The following AK7 variants were observed in gnomAD, a reference collection of about 807,000 sequenced individuals.
AK7 encodes ATP-AMP transphosphorylase 7.
Under a neutral mutation model 96.6 loss-of-function variants are expected in AK7, and 78 were observed. The ratio of observed to expected loss-of-function variants is 0.81; its 90% CI spans 0.67 to 0.97. AK7 has a LOEUF of 0.97. Among genes scored for constraint, AK7 ranks in the 50% least tolerant of loss-of-function variants. The probability of loss-of-function intolerance (pLI) is 0.00; values close to 1 mark genes in which losing one functional copy is unlikely to be tolerated. For synonymous variants in AK7, 302 were observed against 317.2 expected, an observed-to-expected ratio of 0.95 and a Z score of 0.51; for missense variants, 855 against 887.9, an observed-to-expected ratio of 0.96 and a Z score of 0.47.
At chr14:96,415,272 C>T (rs1200993588) in intron 4 of AK7, among the ~76,000 whole-genome samples, 1 of 151,816 alleles carries the variant, frequency 6.6e-6, no homozygotes, top group East Asian at 1.9e-4. Context: ...CTGAGCAACA[C>T]AGCAAGACAC....
At position 96,398,113 on chromosome 14, in the gene AK7, A is replaced by G. The variant is rs777278463; in HGVS notation, c.144A>G (p.Glu48=). 3 of 1,614,152 alleles carry G rather than the reference A, an allele frequency of 1.9e-6. No homozygotes were observed. The South Asian group carries it at 3.3e-5, about 18-fold the overall frequency. The change falls in exon 2 of 18, where the codon GAA becomes GAG. Residue 48 remains glutamate, a synonymous_variant. Transcript: ENST00000267584. ...GTGTAGTTGGGGCTTCGCTTGAAGAAATTACAGAGGAAGAGGAAGAGGAAG... is the reference window on the plus strand; with the variant it reads ...GTGTAGTTGGGGCTTCGCTTGAAGAGATTACAGAGGAAGAGGAAGAGGAAG... ...SNCVVGASLE[E]ITEEEEEEDE...
At chr14:96,469,168 T>C (rs1714614181) in intron 12 of AK7, among the ~76,000 whole-genome samples, 1 of 152,294 alleles carries the variant, frequency 6.6e-6, no homozygotes, top group African/African-American at 2.4e-5. Context: ...TTGAAGGGAA[T>C]TGCAGCTAGA....
chr14:96,409,404 T>C (rs907036885), intron 4 of AK7, among the ~76,000 whole-genome samples: 3 of 152,142 alleles, frequency 2.0e-5, no homozygotes, highest in African/African-American at 7.2e-5. Context: ...AAACCCTGTC[T>C]CTACTAAAAA....
At chr14:96,413,539 C>T (rs935729854) in intron 4 of AK7, among the ~76,000 whole-genome samples, 1 of 152,212 alleles carries the variant, frequency 6.6e-6, no homozygotes, top group Non-Finnish European at 1.5e-5. Context: ...GGGCTCTAAT[C>T]GTTGCCTGCC....
In AK7 at chr14:96,456,375, C is replaced by CT. The variant is rs766742522; in HGVS notation, c.1128dup (p.Ala377CysfsTer9). ...ATCAAGATCTGCATTCTTGGTCCCC[C>CT]TGCTGTGGGAAAATCCAGTATTGCT... On this transcript the variant is annotated frameshift_variant, in exon 11 of 18. Coordinates refer to ENST00000267584, the MANE Select transcript of AK7 (RefSeq NM_152327.5). LOFTEE classifies it high-confidence loss of function. 4.3e-6 allele frequency: 7 copies of CT among 1,613,602 alleles called. No homozygotes were observed. In the African/African-American group the frequency reaches 9.3e-5, roughly 22 times the overall value.
At chr14:96,451,614 A>G in intron 10 of AK7, 44 bp downstream of exon 10, 2 of 1,392,760 alleles carry the variant, frequency 1.4e-6, no homozygotes, top group Admixed American at 2.6e-5. Flanking sequence ...TTCAAGCAAA[A>G]TGAATCAAAC....
chr14:96,403,487 G>C (rs1890533586), intron 2 of AK7, among the ~76,000 whole-genome samples: 1 of 152,182 alleles, frequency 6.6e-6, no homozygotes, highest in African/African-American at 2.4e-5. Flanking sequence ...AACTAATGCA[G>C]ATTCATCCAA....
chr14:96,428,892 A>G (rs1330909583), intron 5 of AK7, among the ~76,000 whole-genome samples: 1 of 151,550 alleles, frequency 6.6e-6, no homozygotes, highest in African/African-American at 2.4e-5. Flanking sequence ...GATTACAAAA[A>G]TTTTCTTCCA....
Position 96,398,283 on chromosome 14 carries a change from G to A in AK7, c.294+20G>A, listed in dbSNP as rs1490556239. On this transcript the variant is annotated intron_variant, in intron 2 of 17. Coordinates refer to ENST00000267584, the MANE Select transcript of AK7 (RefSeq NM_152327.5). ...TACTCTGTAAGTCCCGGAGGCTCTGGCCAGGAGTAGACAGAGGGAAGAGTC... is the reference window on the plus strand; with the variant it reads ...TACTCTGTAAGTCCCGGAGGCTCTGACCAGGAGTAGACAGAGGGAAGAGTC... 1.2e-6 allele frequency: 2 copies of A among 1,611,404 alleles called. No homozygotes were observed. The highest frequency in any genetic ancestry group is 2.2e-5 in the South Asian group (2 of 90,974).
At chr14:96,392,887 C>A (rs1889840022) in intron 1 of AK7, among the ~76,000 whole-genome samples, 1 of 152,148 alleles carries the variant, frequency 6.6e-6, no homozygotes, top group Non-Finnish European at 1.5e-5. Flanking sequence ...TGGTCTCGAT[C>A]GATCTCCTGA....
At chr14:96,487,432 CT>C (rs1164556067) in intron 17 of AK7, among the ~76,000 whole-genome samples, 2,607 of 119,496 alleles carry the variant, frequency 0.022, 78 homozygotes, top group African/African-American at 0.073. Context: ...CTGCCTGAAT[CT>C]TTTTTTTTTT....
At chr14:96,447,357 C>T (rs1893302399) in intron 8 of AK7, among the ~76,000 whole-genome samples, 1 of 152,202 alleles carries the variant, frequency 6.6e-6, no homozygotes, top group South Asian at 2.1e-4. Context: ...CTCTTTCGCC[C>T]AGGCTGGAGT....
At chr14:96,472,840 G>A in intron 14 of AK7, 85 bp downstream of exon 14, 1 of 1,141,534 alleles carries the variant, frequency 8.8e-7, no homozygotes, top group African/African-American at 1.6e-5. Flanking sequence ...TCAGAACTTT[G>A]GGAGGCCAAG....
intron 1 of AK7, among the ~76,000 whole-genome samples, chr14:96,397,080 G>A (rs1030678541): frequency 1.3e-5 from 2 of 152,192 alleles, no homozygotes; most frequent in Non-Finnish European, 2.9e-5. Context: ...CTGAGCAACA[G>A]AATGAGACTC....
chr14:96,433,817 G>T (rs1892491053), intron 5 of AK7, among the ~76,000 whole-genome samples: 1 of 151,950 alleles, frequency 6.6e-6, no homozygotes, highest in Admixed American at 6.6e-5. Context: ...TTTCTTCTTT[G>T]ATCAATTTTG....
chr14:96,480,535 G>C (rs1895452018), intron 15 of AK7, among the ~76,000 whole-genome samples: 1 of 152,094 alleles, frequency 6.6e-6, no homozygotes, highest in Non-Finnish European at 1.5e-5. Context: ...ACATGTTTCT[G>C]CATGTTGGAC....
chr14:96,427,292 C>A (rs1415106405), intron 5 of AK7, among the ~76,000 whole-genome samples: 2 of 152,158 alleles, frequency 1.3e-5, no homozygotes, highest in Non-Finnish European at 2.9e-5. Context: ...CAGCACAGTT[C>A]CACAGGCTGT....
chr14:96,419,320 A>G (rs1315884858), intron 4 of AK7, among the ~76,000 whole-genome samples: 1 of 152,218 alleles, frequency 6.6e-6, no homozygotes, highest in Non-Finnish European at 1.5e-5. Flanking sequence ...GAAAAAAACA[A>G]TTTAGGTTAA....
Position 96,392,267 on chromosome 14 carries a change from G to A in AK7, c.105+8G>A, listed in dbSNP as rs981614825. On this transcript the variant is annotated splice_region_variant and intron_variant, in intron 1 of 17. Coordinates refer to ENST00000267584, the MANE Select transcript of AK7 (RefSeq NM_152327.5). ...AGCGGAAACATCGGGAAGGTGAGCG[G>A]CGGCGGCGGCCCAGAGCCTCACGCC... The A allele has an allele frequency of 3.7e-6, 6 of 1,607,626 alleles. No individual in the cohort carries two copies. The African/African-American group carries it at 8.0e-5, about 21-fold the overall frequency.
Sources: gnomAD v4.1 joint callset for allele counts (sites outside exome capture counted in the v4.1 genomes callset) on GRCh38, gnomAD v4.1.1 for gene constraint, MANE v1.5 for transcripts, NCBI Gene and HGNC (gene_info 2026-07-23, HGNC 2026-07-21) for gene names.